Variants in PCNX1 observed in about 807,000 individuals in gnomAD.
PCNX1 encodes the protein pecanex 1.
A neutral mutation model predicts 242.2 loss-of-function variants in PCNX1; 78 were observed. The ratio of observed to expected loss-of-function variants is 0.32; its 90% CI spans 0.27 to 0.39. The LOEUF is 0.39. Among genes scored for constraint, PCNX1 ranks in the 10% least tolerant of loss-of-function variants. The pLI, the probability that PCNX1 is intolerant of heterozygous loss-of-function variation, is 1.00. For missense variants in PCNX1, 2,581 were observed against 2,856.5 expected, an observed-to-expected ratio of 0.90 and a Z score of 2.20; for synonymous variants, 1,024 against 1,032.9, an observed-to-expected ratio of 0.99 and a Z score of 0.17.
chr14:70,920,857 T>G (rs1372093098), intron 1 of PCNX1, among the ~76,000 whole-genome samples: 1 of 152,192 alleles, frequency 6.6e-6, no homozygotes, highest in Non-Finnish European at 1.5e-5. Flanking sequence ...ATTCATACAT[T>G]CAGAACCTTC....
chr14:70,929,094 T>C (rs1262296721), intron 1 of PCNX1, among the ~76,000 whole-genome samples: 12 of 152,202 alleles, frequency 7.9e-5, no homozygotes, highest in Non-Finnish European at 1.8e-4. Flanking sequence ...AATTTCAAAG[T>C]GTGCTATCTT....
At chr14:71,008,682 AGG>A (rs1375576282) in intron 8 of PCNX1, among the ~76,000 whole-genome samples, 29 of 149,100 alleles carry the variant, frequency 1.9e-4, no homozygotes, top group Admixed American at 8.0e-4. Context: ...AAAAAAAAAA[AGG>A]GATTCCTGTT....
intron 28 of PCNX1, among the ~76,000 whole-genome samples, chr14:71,079,260 A>G (rs1392022048): frequency 6.6e-6 from 1 of 152,088 alleles, no homozygotes; most frequent in African/African-American, 2.4e-5. Context: ...GGGCATTTGG[A>G]TTGGTTCCAA....
chr14:70,981,182 G>T (rs778045999), intron 6 of PCNX1, among the ~76,000 whole-genome samples: 3 of 152,144 alleles, frequency 2.0e-5, no homozygotes, highest in Non-Finnish European at 4.4e-5. Context: ...TGAGGACTAA[G>T]GAGTTAAGTT....
At chr14:70,997,261 G>A (rs1281702182) in intron 8 of PCNX1, among the ~76,000 whole-genome samples, 2 of 151,984 alleles carry the variant, frequency 1.3e-5, no homozygotes, top group Non-Finnish European at 2.9e-5. Context: ...AAGGATTTTT[G>A]TGAATCTGCA....
intron 16 of PCNX1, chr14:71,031,703 A>G: frequency 1.2e-6 from 1 of 855,594 alleles, no homozygotes; most frequent in African/African-American, 1.7e-5. Context: ...CCCAGAGCTA[A>G]GTGGCCTTTG....
intron 1 of PCNX1, among the ~76,000 whole-genome samples, chr14:70,930,873 T>A (rs1239803901): frequency 6.6e-6 from 1 of 152,202 alleles, no homozygotes; most frequent in Non-Finnish European, 1.5e-5. Flanking sequence ...AGGAGACTTC[T>A]AACTGGAATG....
intron 25 of PCNX1, among the ~76,000 whole-genome samples, chr14:71,056,866 A>T (rs1440296843): frequency 6.6e-6 from 1 of 151,900 alleles, no homozygotes; most frequent in Admixed American, 6.6e-5. Flanking sequence ...TTTAGTAGTG[A>T]CAGGGTTTTG....
At chr14:71,102,493 T>C (rs1438823048) in intron 31 of PCNX1, among the ~76,000 whole-genome samples, 1 of 152,080 alleles carries the variant, frequency 6.6e-6, no homozygotes, top group Non-Finnish European at 1.5e-5. Context: ...CTCACACTCC[T>C]GGCCTCAAGT....
rs907105105 is a variant in PCNX1, at chr14:71,001,892, G to A, written c.2629+5967G>A. 3.3e-5 allele frequency among the ~76,000 whole-genome samples: 5 copies of A among 152,328 alleles called. No individual in the cohort carries two copies. In the South Asian group the frequency reaches 6.2e-4, roughly 19 times the overall value. On this transcript the variant is annotated intron_variant, in intron 8 of 35. Transcript: ENST00000304743. ...TCTTGCCTTGTCCTAAGTGCCTGCT[G>A]TAGTCGTTGACATTTTCCAGCAAAC...
intron 28 of PCNX1, among the ~76,000 whole-genome samples, chr14:71,083,230 C>A (rs2141572784): frequency 6.6e-6 from 1 of 152,348 alleles, no homozygotes; most frequent in East Asian, 1.9e-4. Flanking sequence ...TGCTGTTAGT[C>A]TGATGGGCTT....
At chr14:71,017,185 A>G (rs554997481) in intron 11 of PCNX1, among the ~76,000 whole-genome samples, 2 of 152,354 alleles carry the variant, frequency 1.3e-5, no homozygotes, top group Admixed American at 6.5e-5. Flanking sequence ...TGAAAGAACT[A>G]CATGACCTTA....
intron 26 of PCNX1, among the ~76,000 whole-genome samples, chr14:71,067,367 C>T (rs2061473631): frequency 6.6e-6 from 1 of 151,988 alleles, no homozygotes; most frequent in African/African-American, 2.4e-5. Flanking sequence ...AGAAATTTAT[C>T]TATTTTTTTT....
chr14:70,973,959 A>G (rs747296828), intron 5 of PCNX1, among the ~76,000 whole-genome samples: 3 of 151,790 alleles, frequency 2.0e-5, no homozygotes, highest in Non-Finnish European at 4.4e-5. Context: ...ACCTGCACCC[A>G]TTACACTCCC....
chr14:71,064,733 A>G (rs970897452), intron 26 of PCNX1, among the ~76,000 whole-genome samples: 4 of 152,142 alleles, frequency 2.6e-5, no homozygotes, highest in African/African-American at 9.7e-5. Flanking sequence ...CTAGTGATCT[A>G]CATTAGGTAT....
At chr14:70,987,966 A>C (rs181569503) in intron 6 of PCNX1, among the ~76,000 whole-genome samples, 4 of 152,322 alleles carry the variant, frequency 2.6e-5, no homozygotes, top group African/African-American at 9.6e-5. Context: ...ATGGTAATGA[A>C]GTACCTTTAG....
chr14:71,028,628 T>C (rs2060299742), intron 15 of PCNX1, 72 bp from the exon 16 acceptor site: 4 of 862,564 alleles, frequency 4.6e-6, no homozygotes, highest in Non-Finnish European at 7.3e-6. Context: ...TTTTAAATGC[T>C]TTTCAGTGAC....
intron 2 of PCNX1, among the ~76,000 whole-genome samples, chr14:70,948,965 A>G (rs1370061834): frequency 6.8e-6 from 1 of 147,960 alleles, no homozygotes; most frequent in East Asian, 2.0e-4. Flanking sequence ...GTATATGTGT[A>G]TATACACTTA....
chr14:71,031,976 G>C, intron 16 of PCNX1: 1 of 1,254,986 alleles, frequency 8.0e-7, no homozygotes, highest in Non-Finnish European at 1.2e-6. Context: ...AGGCACTGTG[G>C]TTCATTGTCT....
Sources: allele counts gnomAD v4.1 joint callset (sites outside exome capture counted in the v4.1 genomes callset), GRCh38; gene constraint gnomAD v4.1.1; transcripts MANE v1.5; gene names NCBI Gene and HGNC (gene_info 2026-07-23, HGNC 2026-07-21).